The following EPYC variants were observed in gnomAD, a reference collection of about 807,000 sequenced individuals.
The protein encoded by EPYC is dermatan sulfate proteoglycan 3.
EPYC carries 28 observed loss-of-function variants against 30.1 expected under a neutral mutation model. The observed-to-expected ratio is 0.93, with a 90% CI of 0.69 to 1.28. The LOEUF is 1.28. Among genes scored for constraint, EPYC ranks in the 50% most tolerant of loss-of-function variants. The pLI is 0.00. For missense variants in EPYC, 382 were observed against 383.5 expected (o/e 1.00, Z 0.03); for synonymous variants, 144 against 141.4 (o/e 1.02, Z -0.13).
chr12:90,974,569 A>C (rs1415396876), intron 3 of EPYC, among the ~76,000 whole-genome samples: 2 of 152,084 alleles, frequency 1.3e-5, no homozygotes, highest in Non-Finnish European at 2.9e-5. Context: ...TATAAAAAGG[A>C]TCATGAGAGG....
At chr12:90,975,090 T>C (rs1260535933) in intron 3 of EPYC, among the ~76,000 whole-genome samples, 1 of 152,126 alleles carries the variant, frequency 6.6e-6, no homozygotes, top group Non-Finnish European at 1.5e-5. Context: ...GTCTTATTAC[T>C]ATCATTAAAT....
chr12:90,976,546 CTCTG>C (rs1477318519), intron 3 of EPYC, among the ~76,000 whole-genome samples: 10 of 152,078 alleles, frequency 6.6e-5, no homozygotes, highest in Non-Finnish European at 1.0e-4. Context: ...GTTTTGGTTC[CTCTG>C]TCTGTCCAAG....
intron 2 of EPYC, among the ~76,000 whole-genome samples, chr12:90,991,324 T>C (rs1474652162): frequency 2.0e-5 from 3 of 152,090 alleles, no homozygotes; most frequent in Non-Finnish European, 4.4e-5. Flanking sequence ...AAACGTGGAA[T>C]TAGGGAAGAT....
At chr12:90,981,113 A>G (rs141288665) in intron 2 of EPYC, among the ~76,000 whole-genome samples, 48 of 152,272 alleles carry the variant, frequency 3.2e-4, no homozygotes, top group African/African-American at 9.9e-4. Context: ...GAAACAGTAT[A>G]TCTATTCCAG....
At chr12:90,999,447 T>C (rs1485688330) in intron 2 of EPYC, among the ~76,000 whole-genome samples, 1 of 152,096 alleles carries the variant, frequency 6.6e-6, no homozygotes, top group African/African-American at 2.4e-5. Context: ...ACAGATGAGA[T>C]AAATTCTAGG....
intron 3 of EPYC, among the ~76,000 whole-genome samples, chr12:90,974,801 G>A (rs1877144550): frequency 6.6e-6 from 1 of 152,090 alleles, no homozygotes; most frequent in Admixed American, 6.6e-5. Context: ...AGCCTTGAGG[G>A]GTCTAGGGAT....
At position 90,979,195 on chromosome 12, in the gene EPYC, C is replaced by T. The variant is rs1050435675; in HGVS notation, c.166-933G>A. Reference sequence around the variant, plus strand: ...ACTTAGTAAATGTCTACTTCTCTGACGGTCTCGTAAGCTTGGGCTGAAAAT... The same window carrying T: ...ACTTAGTAAATGTCTACTTCTCTGATGGTCTCGTAAGCTTGGGCTGAAAAT... On this transcript the variant is annotated intron_variant, in intron 2 of 6. Coordinates refer to ENST00000261172, the MANE Select transcript of EPYC (RefSeq NM_004950.5). 9.9e-5 allele frequency among the ~76,000 whole-genome samples: 15 copies of T among 152,170 alleles called. No homozygotes were observed. In the South Asian group the frequency reaches 1.0e-3, roughly 11 times the overall value.
chr12:90,994,155 C>T (rs1877647367), intron 2 of EPYC, among the ~76,000 whole-genome samples: 1 of 152,084 alleles, frequency 6.6e-6, no homozygotes, highest in African/African-American at 2.4e-5. Context: ...AAATTCTTGG[C>T]TCTCAGCAAA....
rs34988585 is a variant in EPYC, at chr12:90,964,295, G to A, written c.830C>T (p.Thr277Met). Reference protein sequence around the residue: ...NNNILEMHEDTFCNVKNLTYI... With the variant: ...NNNILEMHEDMFCNVKNLTYI... ...AGTCAAATTTTTAACATTGCAGAACGTATCTTCGTGCATTTCCAGAATGTT... is the reference window on the plus strand; with the variant it reads ...AGTCAAATTTTTAACATTGCAGAACATATCTTCGTGCATTTCCAGAATGTT... Residue 277 changes from threonine to methionine, a missense_variant, in exon 7 of 7, where the codon ACG becomes ATG. Transcript: ENST00000261172. 5,885 of 1,607,458 alleles carry A rather than the reference G, an allele frequency of 3.7e-3. 21 individuals are homozygous for A. Among genetic ancestry groups the A allele is most frequent in the Non-Finnish European group, 4.4e-3 (5,222 of 1,175,306 alleles).
intron 2 of EPYC, among the ~76,000 whole-genome samples, chr12:90,981,554 T>C (rs1219086016): frequency 1.3e-5 from 2 of 152,268 alleles, no homozygotes; most frequent in South Asian, 4.1e-4. Context: ...TAAGATTTGG[T>C]TTACAATAAT....
At chr12:90,964,600 G>A (rs944533968) in intron 6 of EPYC, among the ~76,000 whole-genome samples, 1 of 152,082 alleles carries the variant, frequency 6.6e-6, no homozygotes, top group African/African-American at 2.4e-5. Flanking sequence ...CAAAAATGAT[G>A]AGTATTGTGA....
chr12:90,991,761 T>C (rs1236599363), intron 2 of EPYC, among the ~76,000 whole-genome samples: 1 of 151,992 alleles, frequency 6.6e-6, no homozygotes, highest in Non-Finnish European at 1.5e-5. Context: ...TAGTCCAGGG[T>C]ATGGCTTAGG....
In EPYC at chr12:91,002,574, C is replaced by T. The variant is rs760226927; in HGVS notation, c.-9G>A. The T allele has an allele frequency of 6.3e-7, 1 of 1,597,682 alleles. No individual in the cohort carries two copies. Among genetic ancestry groups the T allele is most frequent in the Non-Finnish European group, 8.5e-7 (1 of 1,174,158 alleles). ...CCTGCTAATGTCTTCATTTTTCAAG[C>T]TTTCCTAATTATAAAATATTAAAAT... On this transcript the variant is annotated 5_prime_UTR_variant, in exon 2 of 7. Transcript: ENST00000261172.
chr12:90,978,311 A>T, intron 2 of EPYC, 49 bp from the exon 3 acceptor site: 3 of 1,543,148 alleles, frequency 1.9e-6, no homozygotes, highest in Non-Finnish European at 2.6e-6. Flanking sequence ...CTTCTCAGTC[A>T]CTCTGTGTGG....
At chr12:91,002,357 C>T (rs1280160400) in intron 2 of EPYC, 44 bp downstream of exon 2, 5 of 1,565,770 alleles carry the variant, frequency 3.2e-6, no homozygotes, top group Admixed American at 1.9e-5. Flanking sequence ...AGTCATTCCT[C>T]ATCCTATGCT....
intron 2 of EPYC, 94 bp downstream of exon 2, chr12:91,002,306 TA>T (rs2120878314): frequency 9.4e-7 from 1 of 1,062,420 alleles, no homozygotes; most frequent in African/African-American, 1.6e-5. Flanking sequence ...TCTTTCTACT[TA>T]TAAAAAAACC....
At chr12:90,997,492 A>G (rs1262360003) in intron 2 of EPYC, among the ~76,000 whole-genome samples, 2 of 152,048 alleles carry the variant, frequency 1.3e-5, no homozygotes, top group East Asian at 1.9e-4. Flanking sequence ...AGCCCCCTCC[A>G]ACCTAAGCAA....
chr12:91,004,516 CA>C (rs528399557), intron 1 of EPYC, among the ~76,000 whole-genome samples: 25 of 151,874 alleles, frequency 1.6e-4, no homozygotes, highest in African/African-American at 3.9e-4. Context: ...ATATATAGCT[CA>C]AAAAAATTTT....
intron 2 of EPYC, among the ~76,000 whole-genome samples, chr12:90,985,191 C>T (rs1877421708): frequency 6.6e-6 from 1 of 152,116 alleles, no homozygotes; most frequent in Non-Finnish European, 1.5e-5. Context: ...ATCTGCTGAC[C>T]TGTGTTCTAA....
Sources: gnomAD v4.1 joint callset for allele counts (sites outside exome capture counted in the v4.1 genomes callset) on GRCh38, gnomAD v4.1.1 for gene constraint, MANE v1.5 for transcripts, NCBI Gene and HGNC (gene_info 2026-07-23, HGNC 2026-07-21) for gene names.